Variants in HOOK2 observed in about 807,000 individuals in gnomAD.
HOOK2 encodes the protein hook microtubule tethering protein 2, also known as protein Hook homolog 2.
In HOOK2, 108 loss-of-function variants were observed where a neutral mutation model predicts 111.9. That is an observed-to-expected ratio of 0.96 (90% CI 0.83 to 1.13). The LOEUF (loss-of-function observed/expected upper bound fraction) is 1.13, where lower values mean the gene tolerates loss of function less well. Ranked by LOEUF, HOOK2 falls within the 50% of genes most tolerant of loss-of-function variation. HOOK2 has a pLI of 0.00. For missense variants in HOOK2, 978 were observed against 951.3 expected (o/e 1.03, Z -0.37); for synonymous variants, 405 against 394.3 (o/e 1.03, Z -0.32).
chr19:12,763,335 C>T lies in HOOK2; in HGVS notation c.2107G>A (p.Gly703Arg), dbSNP rs1968049833. The change falls in exon 23 of 23, where the codon GGA (glycine) becomes AGA (arginine). Residue 703 changes from glycine to arginine, a missense_variant. Coordinates refer to ENST00000397668, the MANE Select transcript of HOOK2 (RefSeq NM_013312.3). The part of the protein sequence containing the change: ...QQRLATNSRR[G>R]PLGRLASLNL... ...AGAGATGCCAGGCGTCCCAAGGGTC[C>T]ACGGCGAGAATTGGTTGCCAGCCGC... is the stretch of plus-strand genomic sequence containing the variant. 2 of 1,614,028 alleles carry T rather than the reference C, an allele frequency of 1.2e-6. No homozygotes were observed. The highest frequency in any genetic ancestry group is 1.1e-5 in the South Asian group (1 of 91,074).
upstream of HOOK2, among the ~76,000 whole-genome samples, chr19:12,775,921 G>T: frequency 7.7e-6 from 1 of 130,288 alleles, no homozygotes; most frequent in South Asian, 2.4e-4. Context: ...CTGTCGCCCA[G>T]GCTGGAGTGC....
chr19:12,763,817 T>G (rs1968068505), intron 20 of HOOK2, 39 bp from the exon 21 acceptor site: 1 of 1,473,154 alleles, frequency 6.8e-7, no homozygotes, highest in African/African-American at 1.4e-5. Context: ...GACTTTGGCC[T>G]TGAAACCCCC....
chr19:12,763,783 A>T lies in HOOK2; in HGVS notation c.1828-5T>A, dbSNP rs754050139. On this transcript the variant is annotated splice_region_variant and splice_polypyrimidine_tract_variant and intron_variant, in intron 20 of 22. Coordinates refer to ENST00000397668, the MANE Select transcript of HOOK2 (RefSeq NM_013312.3). ...GGGTTCCATGGTCTGCATGACCTACAGGTTGAGGAAGTCATAGCCAGGTGA... is the reference window on the plus strand; with the variant it reads ...GGGTTCCATGGTCTGCATGACCTACTGGTTGAGGAAGTCATAGCCAGGTGA... 2.5e-5 allele frequency: 41 copies of T among 1,611,994 alleles called. No homozygotes were observed. Among genetic ancestry groups the T allele is most frequent in the Non-Finnish European group, 3.4e-5 (40 of 1,178,236 alleles).
At chr19:12,781,064 A>G (rs1268845451), upstream of HOOK2, among the ~76,000 whole-genome samples, 1 of 148,442 alleles carries the variant, frequency 6.7e-6, no homozygotes, top group Non-Finnish European at 1.5e-5. Flanking sequence ...GCACTTTGGG[A>G]GGCCGAGGTG....
At position 12,767,866 on chromosome 19, in the gene HOOK2, T is replaced by C. The variant is rs1336016098; in HGVS notation, c.1253A>G (p.Asn418Ser). 12 of 1,607,920 alleles carry C rather than the reference T, an allele frequency of 7.5e-6. No individual in the cohort carries two copies. Among genetic ancestry groups the C allele is most frequent in the African/African-American group, 1.3e-5 (1 of 74,910 alleles). ...LAERDSLREA[N>S]EELRCAQLQP... ...CAGCTGGGCGCAGCGCAGCTCCTCA[T>C]TGGCCTCCCGCAAGGAGTCCCGCTC... Residue 418 changes from asparagine to serine, a missense_variant, in exon 13 of 23, where the codon AAT becomes AGT. Asn to Ser is a conservative substitution (Grantham distance 46). Transcript: ENST00000397668.
chr19:12,772,539 G>A (rs1968368098), intron 6 of HOOK2, 74 bp downstream of exon 6: 1 of 1,504,546 alleles, frequency 6.6e-7, no homozygotes, highest in Admixed American at 1.7e-5. Context: ...CAGGACCTGT[G>A]CCCAGTTCTC....
At chr19:12,771,602 G>A (rs1231710744) in intron 7 of HOOK2, 125 bp from the exon 8 acceptor site, 13 of 821,964 alleles carry the variant, frequency 1.6e-5, no homozygotes, top group Admixed American at 6.7e-5. Context: ...GAGGGCTGGC[G>A]CCGGGTGCAG....
intron 3 of HOOK2, among the ~76,000 whole-genome samples, chr19:12,788,859 G>A (rs951101715): frequency 6.6e-6 from 1 of 152,180 alleles, no homozygotes; most frequent in African/African-American, 2.4e-5. Flanking sequence ...TGAGCCTGGG[G>A]AGGGGGAGGG....
At chr19:12,768,958 G>C (rs901099316) in intron 11 of HOOK2, among the ~76,000 whole-genome samples, 5 of 147,974 alleles carry the variant, frequency 3.4e-5, no homozygotes, top group African/African-American at 1.0e-4. Flanking sequence ...CCACCAGCCC[G>C]GCTAATTTTT....
chr19:12,772,540 C>A, intron 6 of HOOK2, 73 bp downstream of exon 6: 1 of 1,513,502 alleles, frequency 6.6e-7, no homozygotes. Flanking sequence ...AGGACCTGTG[C>A]CCAGTTCTCT....
chr19:12,766,285 C>A lies in HOOK2; in HGVS notation c.1374-45G>T, dbSNP rs766339885. ...GAGCAGGGCCAGGGTCGAGTCACCT[C>A]GCAGGCTCGCTGGGGCTCAGGGAGA... On this transcript the variant is annotated intron_variant, in intron 14 of 22. Transcript: ENST00000397668. 1.4e-4 allele frequency: 209 copies of A among 1,488,220 alleles called. 2 individuals are homozygous for A. The highest frequency in any genetic ancestry group is 1.8e-4 in the Non-Finnish European group (203 of 1,120,292). The allele number at this position is 1,488,220 out of a possible 1,614,324, so 92.2% of individuals were successfully genotyped here.
intron 3 of HOOK2, chr19:12,792,284 C>T: frequency 6.7e-7 from 1 of 1,494,200 alleles, no homozygotes; most frequent in Non-Finnish European, 8.9e-7. Context: ...GGCCCGGGGG[C>T]GTCTACGCCG....
Position 12,791,849 on chromosome 19 carries a change from C to A in HOOK2, n.42-17624G>T, listed in dbSNP as rs746293170. The A allele has an allele frequency of 6.2e-7, 1 of 1,613,646 alleles. No individual in the cohort carries two copies. The highest frequency in any genetic ancestry group is 1.1e-5 in the South Asian group (1 of 91,070). ...CGGGATACGGCCGGGCCCCTGGTGG[C>A]CTCTCTCTACACGACTACAAACTCC... is the stretch of plus-strand genomic sequence containing the variant. On this transcript the variant is annotated intron_variant and non_coding_transcript_variant, in intron 3 of 3. Coordinates refer to the HOOK2 transcript ENST00000589765. The surrounding 1 kb of genome is among the most constrained non-coding windows in gnomAD (Gnocchi z 7.0).
chr19:12,779,562 C>T (rs1054492583), upstream of HOOK2, among the ~76,000 whole-genome samples: 3 of 152,138 alleles, frequency 2.0e-5, no homozygotes, highest in Non-Finnish European at 4.4e-5. Flanking sequence ...TGCTATGTTG[C>T]CCAGGATGGT....
rs990298387 is a variant in HOOK2, at chr19:12,786,623, G to A, written n.42-12398C>T. On this transcript the variant is annotated intron_variant and non_coding_transcript_variant, in intron 3 of 3. Coordinates refer to the HOOK2 transcript ENST00000589765. This position sits in a 1 kb window ranked among gnomAD's most constrained non-coding sequence, Gnocchi z 4.3. ...AGGGGGCTGTTCTCCCACCCTCCTC[G>A]TGGGGCCGGCCTGGCGCCAGTGGGG... 6.6e-6 allele frequency among the ~76,000 whole-genome samples: 1 copy of A among 152,174 alleles called. No individual in the cohort carries two copies. Among genetic ancestry groups the A allele is most frequent in the Non-Finnish European group, 1.5e-5 (1 of 68,016 alleles).
chr19:12,766,225 C>G lies in HOOK2; in HGVS notation c.1389G>C (p.Arg463=), dbSNP rs762157742. Residue 463 remains arginine, a synonymous_variant, in exon 15 of 23, where the codon CGG becomes CGC. Coordinates refer to ENST00000397668, the MANE Select transcript of HOOK2 (RefSeq NM_013312.3). ...ACAGCCGCTTGTTCTCCAGCTGAAGCCGCAGGAGCGTCTCCCTGCAGACCC... is the reference window on the plus strand; with the variant it reads ...ACAGCCGCTTGTTCTCCAGCTGAAGGCGCAGGAGCGTCTCCCTGCAGACCC... ...LPAELRETLL[R]LQLENKRLCR... is the part of the protein sequence containing the mutation. 1.9e-6 allele frequency: 3 copies of G among 1,585,792 alleles called. No homozygotes were observed. Among genetic ancestry groups the G allele is most frequent in the Non-Finnish European group, 1.7e-6 (2 of 1,172,842 alleles).
In HOOK2 at chr19:12,774,683, T is replaced by G; in HGVS notation, c.190A>C (p.Asn64His). Residue 64 changes from asparagine to histidine, a missense_variant, in exon 3 of 23, where the codon AAC becomes CAC. This residue lies in a region of HOOK2 where 301 missense variants were observed against 286.1 expected (regional missense o/e 1.05). Transcript: ENST00000397668. ...CCACTTGTCACCTTCAGCTTCCAGT[T>G]GGGACCTGGATCTTCCGAGATGCCC... The part of the protein sequence containing the change: ...LQGISEDPGP[N>H]WKLKVSNLKM... 6.2e-7 allele frequency: 1 copy of G among 1,614,156 alleles called. No homozygotes were observed. Among genetic ancestry groups the G allele is most frequent in the African/African-American group, 1.3e-5 (1 of 75,040 alleles).
In HOOK2 at chr19:12,772,214, C is replaced by G. The variant is rs1220197627; in HGVS notation, c.495G>C (p.Glu165Asp). 1.2e-6 allele frequency: 2 copies of G among 1,614,046 alleles called. No individual in the cohort carries two copies. The highest frequency in any genetic ancestry group is 2.2e-5 in the South Asian group (2 of 91,082). Residue 165 changes from glutamate (E) to aspartate (D), a missense_variant, in exon 7 of 23, where the codon GAG becomes GAC. Around this residue, in one of 5 missense-constraint regions of HOOK2, gnomAD observed 301 missense variants for 286.1 expected, o/e 1.05. Transcript: ENST00000397668. ...CCTGGCTGTCAAAGTTGCCATACGT[C>G]TCTGGTGACAGGGAGTCAGGAGTGT... ...TKDTPDSLSP[E>D]TYGNFDSQSR...
chr19:12,765,957 G>A lies in HOOK2; in HGVS notation c.1569C>T (p.Ala523=), dbSNP rs185432759. The change falls in exon 16 of 23, where the codon GCC becomes GCT. Residue 523 remains alanine (A), a synonymous_variant. Coordinates refer to ENST00000397668, the MANE Select transcript of HOOK2 (RefSeq NM_013312.3). The part of the protein sequence containing the change: ...LRAQVEDLQK[A]LQEQGGKTED... ...CAGTCTTGCCCCCCTGCTCCTGCAGGGCTTTCTGCAGGTCCTCCACCTGGG... is the reference window on the plus strand; with the variant it reads ...CAGTCTTGCCCCCCTGCTCCTGCAGAGCTTTCTGCAGGTCCTCCACCTGGG... The A allele has an allele frequency of 5.9e-5, 95 of 1,614,114 alleles. No individual in the cohort carries two copies. In the African/African-American group the frequency reaches 1.2e-3, roughly 20 times the overall value.
Sources: allele counts gnomAD v4.1 joint callset (sites outside exome capture counted in the v4.1 genomes callset), GRCh38; gene constraint gnomAD v4.1.1; regional missense constraint gnomAD v4.1.1; non-coding constraint Gnocchi (gnomAD v3.1); transcripts MANE v1.5; gene names NCBI Gene and HGNC (gene_info 2026-07-23, HGNC 2026-07-21).